CDH23: variants seen among roughly 807,000 people sequenced by gnomAD.
The protein encoded by CDH23 is cadherin-23.
A neutral mutation model predicts 317.1 loss-of-function variants in CDH23; 189 were observed. That is an observed-to-expected ratio of 0.60 (90% CI 0.53 to 0.67). The LOEUF is 0.67. CDH23 is among the 30% of genes least tolerant of loss of function. The pLI, the probability that CDH23 is intolerant of heterozygous loss-of-function variation, is 0.00. For missense variants in CDH23, 4,401 were observed against 4,592.4 expected, an observed-to-expected ratio of 0.96 and a Z score of 1.20; for synonymous variants, 1,839 against 1,876.8, an observed-to-expected ratio of 0.98 and a Z score of 0.52.
intron 38 of CDH23, among the ~76,000 whole-genome samples, chr10:71,753,380 A>G (rs1259916907): frequency 6.6e-6 from 1 of 152,230 alleles, no homozygotes; most frequent in Non-Finnish European, 1.5e-5. Flanking sequence ...TGAATTTGCT[A>G]ACTGGTGTCT....
At position 71,704,930 on chromosome 10, in the gene CDH23, A is replaced by G. The variant is rs1865721544; in HGVS notation, c.2753A>G (p.Asp918Gly). The G allele has an allele frequency of 1.2e-6, 2 of 1,612,608 alleles. No individual in the cohort carries two copies. Among genetic ancestry groups the G allele is most frequent in the East Asian group, 2.2e-5 (1 of 44,854 alleles). ...CCTCAGGTGGTGGCCATCGACCTCG[A>G]TGAGGGCCTGAACGGCCTGGTGTCC... ...SIYQVVAIDL[D>G]EGLNGLVSYR... is the part of the protein sequence containing the mutation. The change falls in exon 25 of 70, where the codon GAT (aspartate) becomes GGT (glycine). Residue 918 changes from aspartate (D) to glycine (G), a missense_variant. Transcript: ENST00000224721.
intron 20 of CDH23, among the ~76,000 whole-genome samples, chr10:71,692,380 TGTAA>T (rs778188892): frequency 1.3e-5 from 2 of 152,142 alleles, no homozygotes; most frequent in African/African-American, 2.4e-5. Flanking sequence ...TCTCCAAAGG[TGTAA>T]GTGTTTTCCT....
chr10:71,810,344 C>T, intron 61 of CDH23, 128 bp from the exon 62 acceptor site: 1 of 923,346 alleles, frequency 1.1e-6, no homozygotes. Context: ...CCTCAGCAAA[C>T]ATTCAAACAT....
At chr10:71,811,246 A>C in intron 62 of CDH23, 69 bp from the exon 63 acceptor site, 1 of 1,610,852 alleles carries the variant, frequency 6.2e-7, no homozygotes, top group Non-Finnish European at 8.5e-7. Flanking sequence ...TTGAGGCAGG[A>C]GCAGAGCAGA....
At chr10:71,561,452 C>T (rs1857126868) in intron 6 of CDH23, among the ~76,000 whole-genome samples, 1 of 152,100 alleles carries the variant, frequency 6.6e-6, no homozygotes, top group Non-Finnish European at 1.5e-5. Flanking sequence ...TCTGGAGAGG[C>T]CTGGAGTGTA....
At chr10:71,795,941 G>T in intron 48 of CDH23, 2 of 986,066 alleles carry the variant, frequency 2.0e-6, no homozygotes, top group Non-Finnish European at 2.4e-6. Flanking sequence ...TTCCTGTCCT[G>T]TGGGGCCTGG....
chr10:71,457,695 C>T (rs78606984), intron 3 of CDH23, among the ~76,000 whole-genome samples: 3,805 of 152,330 alleles, frequency 0.025, 157 homozygotes, highest in African/African-American at 0.086. Flanking sequence ...CCTATGCAAC[C>T]GTGTGAGCCT....
chr10:71,719,824 G>A, intron 28 of CDH23: 1 of 152,550 alleles, frequency 6.6e-6, no homozygotes, highest in East Asian at 1.9e-4. Flanking sequence ...GTCTAGAAGA[G>A]TTTGGGCCCT....
At chr10:71,747,596 C>G (rs574062655) in intron 38 of CDH23, 2 of 152,258 alleles carry the variant, frequency 1.3e-5, no homozygotes, top group Non-Finnish European at 2.9e-5. Context: ...TGACAAGACA[C>G]AGACCTTTCA....
At chr10:71,626,219 C>A (rs1861727548) in intron 11 of CDH23, among the ~76,000 whole-genome samples, 1 of 152,216 alleles carries the variant, frequency 6.6e-6, no homozygotes. Flanking sequence ...AAGGGGGTGC[C>A]TGGGCTTCAC....
chr10:71,508,500 A>G (rs891590117), intron 3 of CDH23, among the ~76,000 whole-genome samples: 2 of 152,220 alleles, frequency 1.3e-5, no homozygotes, highest in Non-Finnish European at 2.9e-5. Flanking sequence ...GTGCATGGAA[A>G]TAGCTCAGCT....
At chr10:71,575,799 C>G (rs1276754176) in intron 8 of CDH23, among the ~76,000 whole-genome samples, 1 of 152,268 alleles carries the variant, frequency 6.6e-6, no homozygotes, top group African/African-American at 2.4e-5. Context: ...ATCACTGAGC[C>G]TCTGAAACAA....
Position 71,793,555 on chromosome 10 carries a change from C to T in CDH23, c.6627C>T (p.Tyr2209=). ...IDHDLNPKLE[Y]HIVGIVAKDD... ...ACGACCTCAACCCAAAGCTAGAGTA[C>T]CACATTGTCGGCATTGTGGCCAAGG... The change falls in exon 48 of 70, where the codon TAC becomes TAT. Residue 2209 remains tyrosine (Y), a synonymous_variant. Coordinates refer to ENST00000224721, the MANE Select transcript of CDH23 (RefSeq NM_022124.6). 6.2e-7 allele frequency: 1 copy of T among 1,613,280 alleles called. No homozygotes were observed. Among genetic ancestry groups the T allele is most frequent in the Non-Finnish European group, 8.5e-7 (1 of 1,179,492 alleles).
intron 3 of CDH23, among the ~76,000 whole-genome samples, chr10:71,462,679 T>C (rs779118150): frequency 6.6e-6 from 1 of 152,208 alleles, no homozygotes; most frequent in Non-Finnish European, 1.5e-5. Context: ...TCTGTTTTGA[T>C]TGTTTAGTGA....
At chr10:71,606,833 G>A (rs569873218) in intron 9 of CDH23, among the ~76,000 whole-genome samples, 104 of 152,326 alleles carry the variant, frequency 6.8e-4, no homozygotes, top group Admixed American at 1.4e-3. Flanking sequence ...AGACCTGCAG[G>A]AAGAGGCTCC....
chr10:71,647,005 G>A (rs748627921), intron 14 of CDH23: 211 of 985,288 alleles, frequency 2.1e-4, no homozygotes, highest in Non-Finnish European at 2.4e-4. Flanking sequence ...AGGGGCAGGC[G>A]CCTGGAGGGT....
intron 69 of CDH23, among the ~76,000 whole-genome samples, chr10:71,813,904 C>CA (rs1029836674): frequency 6.0e-5 from 9 of 149,660 alleles, no homozygotes; most frequent in Admixed American, 2.0e-4. Flanking sequence ...AGACTTGTCT[C>CA]AAAAAAAAAG....
At chr10:71,777,448 T>A (rs1218523991) in intron 38 of CDH23, among the ~76,000 whole-genome samples, 1 of 152,138 alleles carries the variant, frequency 6.6e-6, no homozygotes, top group Non-Finnish European at 1.5e-5. Context: ...GTCGCAGACA[T>A]AGGAGTGGTG....
chr10:71,785,057 T>C lies in CDH23; in HGVS notation c.5669T>C (p.Ile1890Thr). 6.2e-7 allele frequency: 1 copy of C among 1,614,064 alleles called. No homozygotes were observed. The highest frequency in any genetic ancestry group is 8.5e-7 in the Non-Finnish European group (1 of 1,179,888). Residue 1890 changes from isoleucine (I) to threonine (T), a missense_variant, in exon 43 of 70, where the codon ATC (isoleucine) becomes ACC (threonine). Physicochemically the swap from Ile to Thr is moderately conservative, Grantham distance 89 (BLOSUM62 -1). This residue lies in a region of CDH23 where 3,068 missense variants were observed against 3,203.3 expected (regional missense o/e 0.96). Transcript: ENST00000224721. ...TGCAATGCACGCCTCACCTTCAACA[T>C]CACTGCGGGCAACCGCGAGCGGGCC... ...SGCNARLTFN[I>T]TAGNRERAFF...
Sources: gnomAD v4.1 joint callset for allele counts (sites outside exome capture counted in the v4.1 genomes callset) on GRCh38, gnomAD v4.1.1 for gene constraint, gnomAD v4.1.1 regional missense constraint, MANE v1.5 for transcripts, NCBI Gene and HGNC (gene_info 2026-07-23, HGNC 2026-07-21) for gene names.